NEGR1: variants seen among roughly 807,000 people sequenced by gnomAD.
NEGR1 encodes neuronal growth regulator 1.
Under a neutral mutation model 40.9 loss-of-function variants are expected in NEGR1, and 10 were observed. The ratio of observed to expected loss-of-function variants is 0.24; its 90% CI spans 0.15 to 0.42. The LOEUF is 0.42. Ranked by LOEUF, NEGR1 falls within the 10% of genes least tolerant of loss-of-function variation. The pLI is 1.00. For synonymous variants in NEGR1, 185 were observed against 166.8 expected (o/e 1.11, Z -0.84); for missense variants, 352 against 438.9 (o/e 0.80, Z 1.77).
intron 6 of NEGR1, among the ~76,000 whole-genome samples, chr1:71,586,054 A>G (rs1649297140): frequency 6.6e-6 from 1 of 152,052 alleles, no homozygotes; most frequent in African/African-American, 2.4e-5. Flanking sequence ...ATTTTCCCCT[A>G]TTTTATAGGT....
intron 1 of NEGR1, among the ~76,000 whole-genome samples, chr1:72,021,991 T>C (rs767628096): frequency 8.6e-5 from 13 of 151,594 alleles, no homozygotes; most frequent in Admixed American, 3.9e-4. Flanking sequence ...AAAAATTAGC[T>C]GGGCGTGGTG....
At chr1:72,022,508 A>G (rs1489664805) in intron 1 of NEGR1, among the ~76,000 whole-genome samples, 1 of 149,634 alleles carries the variant, frequency 6.7e-6, no homozygotes, top group Non-Finnish European at 1.5e-5. Context: ...TAGATATAAT[A>G]CACATCTACA....
chr1:71,470,419 A>G (rs930790774), intron 6 of NEGR1, among the ~76,000 whole-genome samples: 13 of 152,144 alleles, frequency 8.5e-5, no homozygotes, highest in African/African-American at 3.1e-4. Context: ...TTCCTAAAAG[A>G]GTTTTCATAA....
chr1:71,932,083 A>G (rs986445969), intron 2 of NEGR1, among the ~76,000 whole-genome samples: 3 of 152,160 alleles, frequency 2.0e-5, no homozygotes, highest in African/African-American at 7.2e-5. Flanking sequence ...TCATAAATAC[A>G]TAGGTTGCTC....
At chr1:71,486,302 T>G (rs1335389342) in intron 6 of NEGR1, 2 of 151,650 alleles carry the variant, frequency 1.3e-5, no homozygotes, top group African/African-American at 4.8e-5. Flanking sequence ...AGATTGTGTT[T>G]TTATTGTTGG....
At chr1:71,439,589 C>G (rs1646533288) in intron 6 of NEGR1, 1 of 152,194 alleles carries the variant, frequency 6.6e-6, no homozygotes, top group Non-Finnish European at 1.5e-5. Context: ...TCTTGAACTC[C>G]TGGCCTCCAG....
intron 4 of NEGR1, among the ~76,000 whole-genome samples, chr1:71,640,394 G>A (rs749045547): frequency 6.6e-6 from 1 of 151,914 alleles, no homozygotes; most frequent in Non-Finnish European, 1.5e-5. Flanking sequence ...AGTGTCAAAC[G>A]GAATTATTCC....
At chr1:72,119,533 A>G (rs572750628) in intron 1 of NEGR1, among the ~76,000 whole-genome samples, 1 of 152,114 alleles carries the variant, frequency 6.6e-6, no homozygotes, top group South Asian at 2.1e-4. Context: ...CTTGTATGAT[A>G]CACAATACTG....
intron 3 of NEGR1, among the ~76,000 whole-genome samples, chr1:71,712,474 TC>T (rs1297894076): frequency 1.3e-5 from 2 of 152,170 alleles, no homozygotes; most frequent in Non-Finnish European, 2.9e-5. Flanking sequence ...CACTTTAACA[TC>T]CTATTATATT....
At chr1:72,105,688 GGA>G (rs1038095665) in intron 1 of NEGR1, among the ~76,000 whole-genome samples, 30 of 151,758 alleles carry the variant, frequency 2.0e-4, no homozygotes, top group African/African-American at 7.0e-4. Context: ...TTTCAAACAT[GGA>G]GAGAGAGAGA....
rs538420293 is a variant in NEGR1 at position 72,049,152 on chromosome 1, T to A, written c.177-113841A>T. 7.3e-5 allele frequency among the ~76,000 whole-genome samples: 11 copies of A among 151,322 alleles called. No homozygotes were observed. In the South Asian group the frequency reaches 2.3e-3, roughly 31 times the overall value. Reference sequence around the variant, plus strand: ...CCAGCCTAGGCAACACAGCAAGACGTCTCTAAAGAAATAAAAATAAATAAT... The same window carrying A: ...CCAGCCTAGGCAACACAGCAAGACGACTCTAAAGAAATAAAAATAAATAAT... On this transcript the variant is annotated intron_variant, in intron 1 of 6. Transcript: ENST00000357731.
intron 1 of NEGR1, among the ~76,000 whole-genome samples, chr1:72,201,803 T>A (rs1341231028): frequency 1.3e-5 from 2 of 151,968 alleles, no homozygotes; most frequent in African/African-American, 2.4e-5. Flanking sequence ...TAAAAAGGTA[T>A]GAGAATATAA....
intron 1 of NEGR1, among the ~76,000 whole-genome samples, chr1:72,041,749 C>T (rs1469408829): frequency 6.8e-6 from 1 of 146,972 alleles, no homozygotes; most frequent in Non-Finnish European, 1.5e-5. Flanking sequence ...TATATATATA[C>T]CCATGACATG....
intron 1 of NEGR1, among the ~76,000 whole-genome samples, chr1:72,187,110 G>T (rs1257192933): frequency 4.0e-5 from 6 of 151,508 alleles, no homozygotes; most frequent in Non-Finnish European, 8.9e-5. Flanking sequence ...TTTTATCAGA[G>T]AAGGGATGCT....
At chr1:71,836,875 A>G (rs570171586) in intron 2 of NEGR1, 1 of 152,198 alleles carries the variant, frequency 6.6e-6, no homozygotes, top group Admixed American at 6.5e-5. Context: ...AACTACATTT[A>G]AAGACATTTC....
At chr1:71,870,446 A>G (rs1553171104) in intron 2 of NEGR1, among the ~76,000 whole-genome samples, 1 of 152,188 alleles carries the variant, frequency 6.6e-6, no homozygotes, top group Non-Finnish European at 1.5e-5. Flanking sequence ...AACAGATAGT[A>G]GTTTGAAAAA....
At chr1:71,815,420 G>A (rs1252563299) in intron 2 of NEGR1, among the ~76,000 whole-genome samples, 3 of 152,034 alleles carry the variant, frequency 2.0e-5, no homozygotes, top group Non-Finnish European at 4.4e-5. Flanking sequence ...TCTGTATCAG[G>A]TCCACTTGAT....
At chr1:71,761,367 T>C (rs1047546891) in intron 3 of NEGR1, among the ~76,000 whole-genome samples, 1 of 152,174 alleles carries the variant, frequency 6.6e-6, no homozygotes, top group Non-Finnish European at 1.5e-5. Flanking sequence ...CTTTGGCCCA[T>C]AGGCTTTAAG....
At chr1:72,196,723 C>T (rs1203357089) in intron 1 of NEGR1, among the ~76,000 whole-genome samples, 1 of 149,890 alleles carries the variant, frequency 6.7e-6, no homozygotes, top group Non-Finnish European at 1.5e-5. Context: ...AAGATCATGC[C>T]ACTGCACTTC....
Sources: allele counts gnomAD v4.1 joint callset (sites outside exome capture counted in the v4.1 genomes callset), GRCh38; gene constraint gnomAD v4.1.1; transcripts MANE v1.5; gene names NCBI Gene and HGNC (gene_info 2026-07-23, HGNC 2026-07-21).